KRTAP10-6: variants seen among roughly 807,000 people sequenced by gnomAD.
The protein encoded by KRTAP10-6 is keratin associated protein 10-6, also known as keratin-associated protein 10-6.
KRTAP10-6 carries 1 observed loss-of-function variant against 0.5 expected under a neutral mutation model. The observed-to-expected ratio is 1.92, with a 90% CI of 0.68 to 9.09. The LOEUF is 9.09. Ranked by LOEUF, KRTAP10-6 falls within the 30% of genes most tolerant of loss-of-function variation. The probability of loss-of-function intolerance (pLI) is 0.13; values close to 1 mark genes in which losing one functional copy is unlikely to be tolerated. For synonymous variants in KRTAP10-6, 136 were observed against 196.5 expected (o/e 0.69, Z 2.58); for missense variants, 337 against 464.2 (o/e 0.73, Z 2.52).
rs778955979 is a variant in KRTAP10-6, at chr21:44,591,570, G to A, written c.915C>T (p.Ser305=). ...ASCCRSSSSV[S]LLCHPVCKST... ...ACTTGCACACAGGGTGGCAGAGGAG[G>A]GACACGGAGGAGGAGGATCTGCAGC... The change falls in exon 1 of 1, where the codon TCC becomes TCT. Residue 305 remains serine (S), a synonymous_variant. Transcript: ENST00000400368. The A allele has an allele frequency of 1.2e-5, 19 of 1,613,296 alleles. No individual in the cohort carries two copies. The highest frequency in any genetic ancestry group is 3.3e-5 in the South Asian group (3 of 90,984).
chr21:44,591,418 C>T lies in KRTAP10-6; in HGVS notation c.1067G>A (p.Ser356Asn). 6.2e-7 allele frequency: 1 copy of T among 1,612,514 alleles called. No individual in the cohort carries two copies. Among genetic ancestry groups the T allele is most frequent in the Non-Finnish European group, 8.5e-7 (1 of 1,179,178 alleles). Reference protein sequence around the residue: ...RPMCSRPACYSLCSGQKSSC With the variant: ...RPMCSRPACYNLCSGQKSSC ...GCTGGACTTCTGGCCAGAGCAGAGG[C>T]TGTAGCAGGCAGGGCGGGAGCACAT... Residue 356 changes from serine (S) to asparagine (N), a missense_variant, in exon 1 of 1, where the codon AGC (serine) becomes AAC (asparagine). Coordinates refer to ENST00000400368, the MANE Select transcript of KRTAP10-6 (RefSeq NM_198688.3).
At position 44,591,476 on chromosome 21, in the gene KRTAP10-6, T is replaced by G. The variant is rs1289264666; in HGVS notation, c.1009A>C (p.Thr337Pro). 5.0e-6 allele frequency: 8 copies of G among 1,613,684 alleles called. No homozygotes were observed. Among genetic ancestry groups the G allele is most frequent in the South Asian group, 2.2e-5 (2 of 91,056 alleles). Residue 337 changes from threonine (T) to proline (P), a missense_variant, in exon 1 of 1, where the codon ACG becomes CCG. By Grantham distance (38) the Thr-to-Pro change is conservative (BLOSUM62 -1). This residue lies in a region of KRTAP10-6 where 218 missense variants were observed against 225.3 expected (regional missense o/e 0.97). Transcript: ENST00000400368. ...ASSCQPSCCR[T>P]ASCVSLLCRP... ...CAGAGGAGGGAAACACAGGAGGCCG[T>G]GCGGCAGCAGCTGGGCTGGCAGGAG...
Position 44,591,487 on chromosome 21 carries a change from C to T in KRTAP10-6, c.998G>A (p.Ser333Asn). ...CGASASSCQP[S>N]CCRTASCVSL... ...AACACAGGAGGCCGTGCGGCAGCAG[C>T]TGGGCTGGCAGGAGGAGGCAGAGGC... Residue 333 changes from serine to asparagine, a missense_variant, in exon 1 of 1, where the codon AGC becomes AAC. By Grantham distance (46) the Ser-to-Asn change is conservative. Transcript: ENST00000400368. The T allele has an allele frequency of 6.2e-7, 1 of 1,614,048 alleles. No homozygotes were observed. The highest frequency in any genetic ancestry group is 8.5e-7 in the Non-Finnish European group (1 of 1,180,006).
rs201961862 is a variant in KRTAP10-6 at position 44,591,436 on chromosome 21, G to A, written c.1049C>T (p.Ser350Phe). 1.4e-5 allele frequency: 22 copies of A among 1,613,782 alleles called. No homozygotes were observed. The East Asian group carries it at 1.6e-4, about 11-fold the overall frequency. ...GCAGAGGCTGTAGCAGGCAGGGCGGGAGCACATGGGGCGGCAGAGGAGGGA... is the reference window on the plus strand; with the variant it reads ...GCAGAGGCTGTAGCAGGCAGGGCGGAAGCACATGGGGCGGCAGAGGAGGGA... ...CVSLLCRPMC[S>F]RPACYSLCSG... is the part of the protein sequence containing the mutation. Residue 350 changes from serine to phenylalanine, a missense_variant, in exon 1 of 1, where the codon TCC becomes TTC. Ser to Phe is a radical substitution (Grantham distance 155). Around this residue, in one of 3 missense-constraint regions of KRTAP10-6, gnomAD observed 218 missense variants for 225.3 expected, o/e 0.97. Coordinates refer to ENST00000400368, the MANE Select transcript of KRTAP10-6 (RefSeq NM_198688.3).
chr21:44,592,491 G>T lies in KRTAP10-6; in HGVS notation c.-7C>A. ...ACATGGTGGACGCGGCCATGCTGGGGTTGAACTGGTGGAGGGTGAGGGAGT... is the reference window on the plus strand; with the variant it reads ...ACATGGTGGACGCGGCCATGCTGGGTTTGAACTGGTGGAGGGTGAGGGAGT... On this transcript the variant is annotated 5_prime_UTR_variant, in exon 1 of 1. Coordinates refer to ENST00000400368, the MANE Select transcript of KRTAP10-6 (RefSeq NM_198688.3). 5 of 1,603,536 alleles carry T rather than the reference G, an allele frequency of 3.1e-6. No homozygotes were observed. Among genetic ancestry groups the T allele is most frequent in the South Asian group, 1.1e-5 (1 of 88,762 alleles).
Position 44,591,778 on chromosome 21 carries a change from G to A in KRTAP10-6, c.707C>T (p.Pro236Leu). ...QACCVPVCCV[P>L]VCCVPTCSED... ...AGAGCAGGTGGGCACACAGCACACA[G>A]GCACGCAGCAGACGGGCACGCAGCA... The change falls in exon 1 of 1, where the codon CCT becomes CTT. Residue 236 changes from proline (P) to leucine (L), a missense_variant. Coordinates refer to ENST00000400368, the MANE Select transcript of KRTAP10-6 (RefSeq NM_198688.3). 1 of 1,587,542 alleles carries A rather than the reference G, an allele frequency of 6.3e-7. No individual in the cohort carries two copies. Among genetic ancestry groups the A allele is most frequent in the South Asian group, 1.1e-5 (1 of 88,798 alleles).
rs782516569 is a variant in KRTAP10-6, at chr21:44,591,819, G to C, written c.666C>G (p.Ser222=). 1 of 1,598,782 alleles carries C rather than the reference G, an allele frequency of 6.3e-7. No homozygotes were observed. Among genetic ancestry groups the C allele is most frequent in the Non-Finnish European group, 8.5e-7 (1 of 1,174,720 alleles). Residue 222 remains serine, a synonymous_variant, in exon 1 of 1, where the codon TCC becomes TCG. Coordinates refer to ENST00000400368, the MANE Select transcript of KRTAP10-6 (RefSeq NM_198688.3). ...SSCQPTCCTS[S]PCQQACCVPV... Reference sequence around the variant, plus strand: ...GCACGCAGCAGGCCTGCTGGCAGGGGGAGGAGGTGCAGCAAGTTGGCTGGC... The same window carrying C: ...GCACGCAGCAGGCCTGCTGGCAGGGCGAGGAGGTGCAGCAAGTTGGCTGGC...
rs1405087143 is a variant in KRTAP10-6 at position 44,591,567 on chromosome 21, G to A, written c.918C>T (p.Leu306=). The A allele has an allele frequency of 1.9e-6, 3 of 1,613,432 alleles. No individual in the cohort carries two copies. In the African/African-American group the frequency reaches 4.0e-5, roughly 22 times the overall value. The change falls in exon 1 of 1, where the codon CTC becomes CTT. Residue 306 remains leucine, a synonymous_variant. Coordinates refer to ENST00000400368, the MANE Select transcript of KRTAP10-6 (RefSeq NM_198688.3). ...SCCRSSSSVS[L]LCHPVCKSTC... is the part of the protein sequence containing the mutation. ...TGGACTTGCACACAGGGTGGCAGAGGAGGGACACGGAGGAGGAGGATCTGC... is the reference window on the plus strand; with the variant it reads ...TGGACTTGCACACAGGGTGGCAGAGAAGGGACACGGAGGAGGAGGATCTGC...
At chr21:44,591,836 TTG>T in the KRTAP10-6 span, 2 of 1,469,560 alleles carry the variant, frequency 1.4e-6, no homozygotes, top group Admixed American at 2.0e-5. Flanking sequence ...GTGCAGCAAG[TTG>T]GCTGGCAGCT....
At position 44,592,463 on chromosome 21, in the gene KRTAP10-6, C is replaced by T. The variant is rs782046850; in HGVS notation, c.22G>A (p.Val8Ile). The change falls in exon 1 of 1, where the codon GTC becomes ATC. Residue 8 changes from valine to isoleucine, a missense_variant. Transcript: ENST00000400368. MAASTMS[V>I]CSSDLSYGSR... ...CCGTAGCTCAGGTCGCTGGAGCAGA[C>T]GGACATGGTGGACGCGGCCATGCTG... is the stretch of plus-strand genomic sequence containing the variant. 2.4e-5 allele frequency: 38 copies of T among 1,611,140 alleles called. No individual in the cohort carries two copies. Among genetic ancestry groups the T allele is most frequent in the African/African-American group, 9.4e-5 (7 of 74,828 alleles).
At position 44,591,447 on chromosome 21, in the gene KRTAP10-6, G is replaced by A. The variant is rs782464828; in HGVS notation, c.1038C>T (p.Arg346=). 2 of 1,613,988 alleles carry A rather than the reference G, an allele frequency of 1.2e-6. No homozygotes were observed. The highest frequency in any genetic ancestry group is 2.2e-5 in the South Asian group (2 of 91,052). Residue 346 remains arginine (R), a synonymous_variant, in exon 1 of 1, where the codon CGC becomes CGT. Coordinates refer to ENST00000400368, the MANE Select transcript of KRTAP10-6 (RefSeq NM_198688.3). ...AGCAGGCAGGGCGGGAGCACATGGG[G>A]CGGCAGAGGAGGGAAACACAGGAGG... ...RTASCVSLLC[R]PMCSRPACYS...
rs371498624 is a variant in KRTAP10-6, at chr21:44,592,324, C to G, written c.161G>C (p.Ser54Thr). The G allele has an allele frequency of 1.0e-4, 143 of 1,400,898 alleles. 1 individual carries two copies. Among genetic ancestry groups the G allele is most frequent in the Middle Eastern group, 2.4e-4 (1 of 4,092 alleles). 86.8% of individuals were successfully genotyped at this position (1,400,898 alleles called of 1,614,324 possible). Reference sequence around the variant, plus strand: ...ACGGCTCACTGGGGTGCAGACCAGGCTCAGGCAGGGGGCCGGGGCGCAGCA... The same window carrying G: ...ACGGCTCACTGGGGTGCAGACCAGGGTCAGGCAGGGGGCCGGGGCGCAGCA... ...PPCCAPAPCL[S>T]LVCTPVSRVS... The change falls in exon 1 of 1, where the codon AGC becomes ACC. Residue 54 changes from serine to threonine, a missense_variant. Ser to Thr is a moderately conservative substitution (Grantham distance 58). This residue lies in a region of KRTAP10-6 where 87 missense variants were observed against 208.2 expected (regional missense o/e 0.42). Coordinates refer to ENST00000400368, the MANE Select transcript of KRTAP10-6 (RefSeq NM_198688.3).
chr21:44,591,391 C>G lies in KRTAP10-6; in HGVS notation c.1094G>C (p.Cys365Ser). ...YSLCSGQKSSC is the reference protein window; with the variant it reads ...YSLCSGQKSSS The stretch of plus-strand genomic sequence containing the variant: ...TCCGGATCACATCCAGGGCTGTCAG[C>G]AGCTGGACTTCTGGCCAGAGCAGAG... The change falls in exon 1 of 1, where the codon TGC becomes TCC. Residue 365 changes from cysteine to serine, a missense_variant. Transcript: ENST00000400368. 1 of 1,604,042 alleles carries G rather than the reference C, an allele frequency of 6.2e-7. No homozygotes were observed. Among genetic ancestry groups the G allele is most frequent in the South Asian group, 1.1e-5 (1 of 89,234 alleles).
rs782797884 is a variant in KRTAP10-6 at position 44,591,767 on chromosome 21, C to T, written c.718G>A (p.Val240Met). 3 of 1,591,104 alleles carry T rather than the reference C, an allele frequency of 1.9e-6. No homozygotes were observed. The Admixed American group carries it at 5.2e-5, about 28-fold the overall frequency. ...VPVCCVPVCC[V>M]PTCSEDSSSC... ...GAGGAATCCTCAGAGCAGGTGGGCA[C>T]ACAGCACACAGGCACGCAGCAGACG... The change falls in exon 1 of 1, where the codon GTG (valine) becomes ATG (methionine). Residue 240 changes from valine to methionine, a missense_variant. Physicochemically the swap from Val to Met is conservative, Grantham distance 21. Around this residue, in one of 3 missense-constraint regions of KRTAP10-6, gnomAD observed 218 missense variants for 225.3 expected, o/e 0.97. Transcript: ENST00000400368.
rs782074978 is a variant in KRTAP10-6 at position 44,591,844 on chromosome 21, C to A, written c.641G>T (p.Cys214Phe). The change falls in exon 1 of 1, where the codon TGC becomes TTC. Residue 214 changes from cysteine to phenylalanine, a missense_variant. This residue lies in a region of KRTAP10-6 where 218 missense variants were observed against 225.3 expected (regional missense o/e 0.97). Transcript: ENST00000400368. ...CTPSCCQQSSCQPTCCTSSPC... is the reference protein window; with the variant it reads ...CTPSCCQQSSFQPTCCTSSPC... ...GGAGGAGGTGCAGCAAGTTGGCTGG[C>A]AGCTAGACTGCTGGCAGCATGAGGG... 1.2e-6 allele frequency: 2 copies of A among 1,607,794 alleles called. No homozygotes were observed. The highest frequency in any genetic ancestry group is 2.2e-5 in the South Asian group (2 of 90,572).
Position 44,591,589 on chromosome 21 carries a change from C to G in KRTAP10-6, c.896G>C (p.Arg299Thr). 2.5e-6 allele frequency: 4 copies of G among 1,613,344 alleles called. No individual in the cohort carries two copies. Among genetic ancestry groups the G allele is most frequent in the Non-Finnish European group, 3.4e-6 (4 of 1,179,718 alleles). ...QPACCTASCCRSSSSVSLLCH... is the reference protein window; with the variant it reads ...QPACCTASCCTSSSSVSLLCH... Reference sequence around the variant, plus strand: ...GAGGAGGGACACGGAGGAGGAGGATCTGCAGCAGGAGGCGGTGCAGCAAGC... The same window carrying G: ...GAGGAGGGACACGGAGGAGGAGGATGTGCAGCAGGAGGCGGTGCAGCAAGC... Residue 299 changes from arginine to threonine, a missense_variant, in exon 1 of 1, where the codon AGA becomes ACA. Physicochemically the swap from Arg to Thr is moderately conservative, Grantham distance 71. Coordinates refer to ENST00000400368, the MANE Select transcript of KRTAP10-6 (RefSeq NM_198688.3).
rs201362069 is a variant in KRTAP10-6 at position 44,592,378 on chromosome 21, T to G, written c.107A>C (p.Asp36Ala). The G allele has an allele frequency of 1.7e-3, 2,648 of 1,521,062 alleles. 99 individuals are homozygous for G. The African/African-American group carries it at 0.018, about 10-fold the overall frequency. The allele number at this position is 1,521,062 out of a possible 1,614,324, so 94.2% of individuals were successfully genotyped here. A position where few individuals can be genotyped will look rare whatever the true frequency, so the allele number is the denominator to read the frequency against. ...DSCSDSWQVD[D>A]CPESCCEPPC... ...GGGCTCACAGCAGCTCTCTGGGCAG[T>G]CGTCCACCTGCCAGGAGTCGGAGCA... Residue 36 changes from aspartate to alanine, a missense_variant, in exon 1 of 1, where the codon GAC (aspartate) becomes GCC (alanine). Transcript: ENST00000400368.
rs781904513 is a variant in KRTAP10-6 at position 44,592,443 on chromosome 21, G to A, written c.42C>T (p.Ser14=). The A allele has an allele frequency of 6.2e-7, 1 of 1,611,154 alleles. No individual in the cohort carries two copies. The highest frequency in any genetic ancestry group is 8.5e-7 in the Non-Finnish European group (1 of 1,178,420). ...CAGGAAGGCAGACGCGGCTGCCGTA[G>A]CTCAGGTCGCTGGAGCAGACGGACA... ...STMSVCSSDL[S]YGSRVCLPGS... The change falls in exon 1 of 1, where the codon AGC becomes AGT. Residue 14 remains serine, a synonymous_variant. Transcript: ENST00000400368.
rs202066340 is a variant in KRTAP10-6 at position 44,591,933 on chromosome 21, G to A, written c.552C>T (p.Ser184=). The change falls in exon 1 of 1, where the codon AGC becomes AGT. Residue 184 remains serine, a synonymous_variant. Transcript: ENST00000400368. The part of the protein sequence containing the change: ...QQSSCVSCVS[S]PCCQAVCEPS... ...GCTCACAGACCGCCTGGCAGCAGGG[G>A]CTGGACACACAGCTCACACAGCTAG... 408 of 1,608,870 alleles carry A rather than the reference G, an allele frequency of 2.5e-4. No individual in the cohort carries two copies. The highest frequency in any genetic ancestry group is 3.2e-4 in the Non-Finnish European group (377 of 1,179,402).
Sources: allele counts gnomAD v4.1 joint callset, GRCh38; gene constraint gnomAD v4.1.1; regional missense constraint gnomAD v4.1.1; transcripts MANE v1.5; gene names NCBI Gene and HGNC (gene_info 2026-07-23, HGNC 2026-07-21).